GRID1: variants seen among roughly 807,000 people sequenced by gnomAD.
GRID1 encodes the protein glutamate receptor ionotropic, delta-1.
A neutral mutation model predicts 98.0 loss-of-function variants in GRID1; 28 were observed. That is an observed-to-expected ratio of 0.29 (90% CI 0.21 to 0.39). GRID1 has a LOEUF of 0.39. Among genes scored for constraint, GRID1 ranks in the 10% least tolerant of loss-of-function variants. The pLI, the probability that GRID1 is intolerant of heterozygous loss-of-function variation, is 1.00. For synonymous variants in GRID1, 553 were observed against 538.5 expected, an observed-to-expected ratio of 1.03 and a Z score of -0.37; for missense variants, 1,111 against 1,340.5, an observed-to-expected ratio of 0.83 and a Z score of 2.67.
intron 3 of GRID1, among the ~76,000 whole-genome samples, chr10:86,165,236 A>C (rs1488847528): frequency 2.0e-5 from 3 of 152,224 alleles, no homozygotes; most frequent in African/African-American, 7.2e-5. Flanking sequence ...GAGGAGGAGC[A>C]GAGTGGGCAG....
chr10:86,194,156 G>A lies in GRID1; in HGVS notation c.520+12208C>T, dbSNP rs569389080. Among the ~76,000 whole-genome samples the A allele has an allele frequency of 9.9e-5, 15 of 152,164 alleles. No individual in the cohort carries two copies. The South Asian group carries it at 2.9e-3, about 29-fold the overall frequency. On this transcript the variant is annotated intron_variant, in intron 3 of 15. Transcript: ENST00000327946. Reference sequence around the variant, plus strand: ...ATTCTAGCTTCCTAATTTGAAAACAGAATCTCCTGCAGCCCAGCCGCTCTG... The same window carrying A: ...ATTCTAGCTTCCTAATTTGAAAACAAAATCTCCTGCAGCCCAGCCGCTCTG...
Position 86,336,515 on chromosome 10 carries a change from G to A in GRID1, c.235+27426C>T, listed in dbSNP as rs546018180. On this transcript the variant is annotated intron_variant, in intron 2 of 15. Transcript: ENST00000327946. The stretch of plus-strand genomic sequence containing the variant: ...AAATACAAGTGTATGTCCACAACCC[G>A]GCCTCCTCCACGGTGACAATTAACG... 1.7e-3 allele frequency among the ~76,000 whole-genome samples: 261 copies of A among 152,216 alleles called. 1 individual carries two copies. Among genetic ancestry groups the A allele is most frequent in the South Asian group, 0.016 (77 of 4,808 alleles).
At chr10:85,726,086 G>A (rs1485109055) in intron 10 of GRID1, among the ~76,000 whole-genome samples, 6 of 152,220 alleles carry the variant, frequency 3.9e-5, no homozygotes, top group Admixed American at 2.0e-4. Flanking sequence ...GGGTTGTCCT[G>A]TGACAGTGGG....
At chr10:86,097,192 A>G (rs1329173810) in intron 4 of GRID1, among the ~76,000 whole-genome samples, 1 of 152,220 alleles carries the variant, frequency 6.6e-6, no homozygotes, top group East Asian at 1.9e-4. Flanking sequence ...TCTGGCTCAA[A>G]GACAGCCTGT....
chr10:85,693,720 T>C lies in GRID1; in HGVS notation c.1997+29283A>G, dbSNP rs147461909. On this transcript the variant is annotated intron_variant, in intron 12 of 15. Coordinates refer to ENST00000327946, the MANE Select transcript of GRID1 (RefSeq NM_017551.3). Reference sequence around the variant, plus strand: ...TTTTCAATAAATAGTGTGGGGAAAATTGGATTGCCATATGCAAAAGAATGA... The same window carrying C: ...TTTTCAATAAATAGTGTGGGGAAAACTGGATTGCCATATGCAAAAGAATGA... Among the ~76,000 whole-genome samples, 1,011 of 152,164 alleles carry C rather than the reference T, an allele frequency of 6.6e-3. 10 individuals carry two copies. Among genetic ancestry groups the C allele is most frequent in the African/African-American group, 0.023 (946 of 41,516 alleles).
intron 2 of GRID1, among the ~76,000 whole-genome samples, chr10:86,237,794 C>T (rs1046955807): frequency 6.6e-6 from 1 of 152,142 alleles, no homozygotes; most frequent in Non-Finnish European, 1.5e-5. Flanking sequence ...CGCCTTCCAC[C>T]ATGATCCTGA....
intron 8 of GRID1, among the ~76,000 whole-genome samples, chr10:85,812,491 T>C (rs1273443226): frequency 6.6e-6 from 1 of 152,158 alleles, no homozygotes; most frequent in East Asian, 1.9e-4. Context: ...AAAAGCCCTC[T>C]TGGAGATAGC....
intron 3 of GRID1, among the ~76,000 whole-genome samples, chr10:86,168,054 G>A (rs992211728): frequency 5.3e-5 from 8 of 152,196 alleles, no homozygotes; most frequent in African/African-American, 1.2e-4. Flanking sequence ...CTTGATGGAG[G>A]CAGACATGGC....
At chr10:86,266,501 C>T (rs1413973221) in intron 2 of GRID1, among the ~76,000 whole-genome samples, 1 of 152,214 alleles carries the variant, frequency 6.6e-6, no homozygotes, top group Non-Finnish European at 1.5e-5. Flanking sequence ...TAATCTGGTT[C>T]GAGGCTTCCT....
Position 85,647,403 on chromosome 10 carries a change from A to G in GRID1, c.1998-6T>C. ...TGGACAGGTCCTGGAAAGTCCTGAA[A>G]TGCAGAAAGGCAGCGAGGCATGAGT... On this transcript the variant is annotated splice_polypyrimidine_tract_variant and splice_region_variant and intron_variant, in intron 12 of 15. Coordinates refer to ENST00000327946, the MANE Select transcript of GRID1 (RefSeq NM_017551.3). 2 of 1,611,978 alleles carry G rather than the reference A, an allele frequency of 1.2e-6. No individual in the cohort carries two copies. Among genetic ancestry groups the G allele is most frequent in the African/African-American group, 1.3e-5 (1 of 75,012 alleles).
intron 8 of GRID1, among the ~76,000 whole-genome samples, chr10:85,738,549 G>A (rs1174016774): frequency 6.6e-6 from 1 of 152,178 alleles, no homozygotes; most frequent in African/African-American, 2.4e-5. Context: ...ATATGTGAAT[G>A]TTCATTGAAG....
intron 2 of GRID1, among the ~76,000 whole-genome samples, chr10:86,351,562 A>C (rs1278635316): frequency 6.6e-6 from 1 of 152,204 alleles, no homozygotes; most frequent in Non-Finnish European, 1.5e-5. Flanking sequence ...TAAAGGAGCC[A>C]GTGTACAGAC....
chr10:85,975,112 G>A (rs1589320371), intron 4 of GRID1, among the ~76,000 whole-genome samples: 1 of 152,140 alleles, frequency 6.6e-6, no homozygotes, highest in South Asian at 2.1e-4. Flanking sequence ...CTCATCATTT[G>A]CCCAAATGAA....
At chr10:85,935,559 G>C (rs1402216732) in intron 4 of GRID1, among the ~76,000 whole-genome samples, 1 of 152,188 alleles carries the variant, frequency 6.6e-6, no homozygotes, top group Non-Finnish European at 1.5e-5. Context: ...CTGTGTGCCA[G>C]GCCCAGCCAG....
intron 2 of GRID1, among the ~76,000 whole-genome samples, chr10:86,343,355 TG>T (rs1848338115): frequency 6.6e-6 from 1 of 152,322 alleles, no homozygotes; most frequent in Non-Finnish European, 1.5e-5. Flanking sequence ...TGGGAGAATA[TG>T]GGCTGTATAA....
chr10:85,863,621 T>C (rs1210555170), intron 6 of GRID1, among the ~76,000 whole-genome samples: 1 of 152,130 alleles, frequency 6.6e-6, no homozygotes, highest in East Asian at 1.9e-4. Context: ...ATAATAAGCA[T>C]ATAAACCCCC....
chr10:85,943,313 T>C (rs1264214253), intron 4 of GRID1, among the ~76,000 whole-genome samples: 5 of 152,122 alleles, frequency 3.3e-5, no homozygotes, highest in Non-Finnish European at 7.4e-5. Context: ...CAAAGATATA[T>C]AAAATATATG....
chr10:85,860,613 T>C (rs909953344), intron 6 of GRID1, among the ~76,000 whole-genome samples: 7 of 152,206 alleles, frequency 4.6e-5, no homozygotes, highest in African/African-American at 1.7e-4. Context: ...CTAATTACCA[T>C]ACAGTACGAC....
At chr10:85,682,780 T>C (rs1281604316) in intron 12 of GRID1, among the ~76,000 whole-genome samples, 1 of 152,280 alleles carries the variant, frequency 6.6e-6, no homozygotes, top group Admixed American at 6.5e-5. Flanking sequence ...CTTGGGCAGA[T>C]TGAGTCCCTG....
Sources: allele counts gnomAD v4.1 joint callset (sites outside exome capture counted in the v4.1 genomes callset), GRCh38; gene constraint gnomAD v4.1.1; transcripts MANE v1.5; gene names NCBI Gene and HGNC (gene_info 2026-07-23, HGNC 2026-07-21).